ZNF354C: variants seen among roughly 807,000 people sequenced by gnomAD.
The protein encoded by ZNF354C is zinc finger protein 354C.
In ZNF354C, 7 loss-of-function variants were observed where a neutral mutation model predicts 12.4. The observed-to-expected ratio is 0.56, with a 90% CI of 0.32 to 1.06. The LOEUF (loss-of-function observed/expected upper bound fraction) is 1.06. Among genes scored for constraint, ZNF354C ranks in the 50% least tolerant of loss-of-function variants. The probability of loss-of-function intolerance (pLI) is 0.04; values close to 1 mark genes in which losing one functional copy is unlikely to be tolerated. For missense variants in ZNF354C, 609 were observed against 658.0 expected, an observed-to-expected ratio of 0.93 and a Z score of 0.81; for synonymous variants, 202 against 224.5, an observed-to-expected ratio of 0.90 and a Z score of 0.90.
intron 4 of ZNF354C, 145 bp from the exon 5 acceptor site, chr5:179,078,538 G>T: frequency 1.5e-6 from 1 of 657,590 alleles, no homozygotes; most frequent in Non-Finnish European, 2.6e-6. Context: ...ATCCCATCCT[G>T]TTCTTCCCAA....
At chr5:179,073,347 G>T (rs1218524781) in intron 2 of ZNF354C, among the ~76,000 whole-genome samples, 1 of 152,200 alleles carries the variant, frequency 6.6e-6, no homozygotes, top group Non-Finnish European at 1.5e-5. Context: ...ATTTTAGGAA[G>T]AATGAAGAGC....
intron 2 of ZNF354C, among the ~76,000 whole-genome samples, chr5:179,072,671 A>C (rs1762065947): frequency 6.6e-6 from 1 of 152,226 alleles, no homozygotes; most frequent in Non-Finnish European, 1.5e-5. Flanking sequence ...CCAAGAATGC[A>C]AGCCACATAC....
At position 179,083,220 on chromosome 5, in the gene ZNF354C, G is replaced by GA; in HGVS notation, c.*3124dup. 1 of 287,412 alleles carries GA rather than the reference G, an allele frequency of 3.5e-6. No individual in the cohort carries two copies. The highest frequency in any genetic ancestry group is 7.3e-5 in the East Asian group (1 of 13,672). 17.8% of individuals were successfully genotyped at this position (287,412 alleles called of 1,614,324 possible). ...TTCTGATTCATAAAAAAACCTATAA[G>GA]AGACATTTGGGGGGATATTTGGGGA... On this transcript the variant is annotated 3_prime_UTR_variant, in exon 5 of 5. Coordinates refer to ENST00000315475, the MANE Select transcript of ZNF354C (RefSeq NM_014594.3).
At chr5:179,067,875 T>G (rs578069432) in intron 2 of ZNF354C, among the ~76,000 whole-genome samples, 2 of 151,518 alleles carry the variant, frequency 1.3e-5, no homozygotes, top group Non-Finnish European at 2.9e-5. Context: ...GAATGAGGTT[T>G]GAGGCTGGAC....
At chr5:179,072,735 A>G in intron 2 of ZNF354C, among the ~76,000 whole-genome samples, 1 of 152,178 alleles carries the variant, frequency 6.6e-6, no homozygotes, top group Non-Finnish European at 1.5e-5. Flanking sequence ...AAGCAAATAA[A>G]TTAACTTTAA....
rs1762259421 is a variant in ZNF354C at position 179,083,824 on chromosome 5, TCCTG to T, written c.*3728_*3731del. Among the ~76,000 whole-genome samples the T allele has an allele frequency of 6.6e-6, 1 of 152,208 alleles. No homozygotes were observed. The highest frequency in any genetic ancestry group is 1.5e-5 in the Non-Finnish European group (1 of 68,036). On this transcript the variant is annotated 3_prime_UTR_variant, in exon 5 of 5. Coordinates refer to ENST00000315475, the MANE Select transcript of ZNF354C (RefSeq NM_014594.3). ...AGATCATTGTGGCGCTCCTGGGCAT[TCCTG>T]TGGTGAGGACAGAGATGGCTGAGCA...
rs1297139619 is a variant in ZNF354C at position 179,080,134 on chromosome 5, A to G, written c.*37A>G. On this transcript the variant is annotated 3_prime_UTR_variant, in exon 5 of 5. Transcript: ENST00000315475. ...AATAATCCAAGACTTCTCACTGGGG[A>G]ATAAGGGAATAATAAATAGGGTACA... 1 of 1,414,880 alleles carries G rather than the reference A, an allele frequency of 7.1e-7. No individual in the cohort carries two copies. The highest frequency in any genetic ancestry group is 1.4e-5 in the South Asian group (1 of 70,160). 87.6% of individuals were successfully genotyped at this position (1,414,880 alleles called of 1,614,324 possible).
chr5:179,077,637 T>A (rs1762141862), intron 4 of ZNF354C, among the ~76,000 whole-genome samples: 1 of 152,164 alleles, frequency 6.6e-6, no homozygotes, highest in South Asian at 2.1e-4. Context: ...AAAGGTAATA[T>A]GAAAAAAATT....
chr5:179,069,777 A>C (rs920766451), intron 2 of ZNF354C, among the ~76,000 whole-genome samples: 4 of 150,958 alleles, frequency 2.6e-5, no homozygotes, highest in African/African-American at 9.8e-5. Flanking sequence ...GAGGCAGGAG[A>C]ATGGTGTGAA....
intron 2 of ZNF354C, among the ~76,000 whole-genome samples, chr5:179,064,715 A>G (rs1192320870): frequency 2.0e-5 from 3 of 151,796 alleles, no homozygotes; most frequent in African/African-American, 7.3e-5. Flanking sequence ...CGCCCGGCCT[A>G]TGTAACCCTT....
intron 2 of ZNF354C, among the ~76,000 whole-genome samples, chr5:179,062,920 T>C: frequency 6.6e-6 from 1 of 152,214 alleles, no homozygotes; most frequent in East Asian, 1.9e-4. Flanking sequence ...CCCTCAGCGT[T>C]CTGAGTATCT....
chr5:179,069,356 T>C (rs1762010243), intron 2 of ZNF354C, among the ~76,000 whole-genome samples: 1 of 152,100 alleles, frequency 6.6e-6, no homozygotes, highest in Non-Finnish European at 1.5e-5. Context: ...TCCTTTCTAC[T>C]GATGATAATT....
Position 179,060,481 on chromosome 5 carries a change from G to A in ZNF354C, c.-240G>A. 1 of 152,414 alleles carries A rather than the reference G, an allele frequency of 6.6e-6. No homozygotes were observed. Among genetic ancestry groups the A allele is most frequent in the Non-Finnish European group, 1.5e-5 (1 of 68,138 alleles). 9.4% of individuals were successfully genotyped at this position (152,414 alleles called of 1,614,324 possible). ...AGGATTGCCGGCCTGGGGTTGAGGC[G>A]CTCGCAGTGGTCTCTTCCGGGCCGG... On this transcript the variant is annotated 5_prime_UTR_variant, in exon 1 of 5. Transcript: ENST00000315475. This position sits in a 1 kb window ranked among gnomAD's most constrained non-coding sequence, Gnocchi z 4.2.
Position 179,080,053 on chromosome 5 carries a change from C to G in ZNF354C, c.1621C>G (p.Gln541Glu). 1 of 1,603,016 alleles carries G rather than the reference C, an allele frequency of 6.2e-7. No homozygotes were observed. The highest frequency in any genetic ancestry group is 8.5e-7 in the Non-Finnish European group (1 of 1,176,336). ...TTTCATCTGCAGCTCCTCACTTACC[C>G]AGTATCAGAGATTTTTTAAAGGAGA... ...KPFICSSSLT[Q>E]YQRFFKGDKA... Residue 541 changes from glutamine (Q) to glutamate (E), a missense_variant, in exon 5 of 5, where the codon CAG becomes GAG. Physicochemically the swap from Gln to Glu is conservative, Grantham distance 29. Coordinates refer to ENST00000315475, the MANE Select transcript of ZNF354C (RefSeq NM_014594.3).
intron 3 of ZNF354C, among the ~76,000 whole-genome samples, chr5:179,076,796 T>C (rs1250772361): frequency 6.6e-6 from 1 of 152,012 alleles, no homozygotes; most frequent in Non-Finnish European, 1.5e-5. Flanking sequence ...CTCCTTGGAG[T>C]AGGCCAATGA....
At chr5:179,062,312 C>G (rs1761904683) in intron 2 of ZNF354C, among the ~76,000 whole-genome samples, 1 of 152,176 alleles carries the variant, frequency 6.6e-6, no homozygotes, top group South Asian at 2.1e-4. Context: ...ACCCCGCTCA[C>G]TCTGTGATCC....
rs1762249191 is a variant in ZNF354C at position 179,082,947 on chromosome 5, C to T, written c.*2850C>T. On this transcript the variant is annotated 3_prime_UTR_variant, in exon 5 of 5. Coordinates refer to ENST00000315475, the MANE Select transcript of ZNF354C (RefSeq NM_014594.3). Reference sequence around the variant, plus strand: ...CTCATCTCCTGCCTGGAGCTCAAGGCCATCCTCAACTTCTTTCATATGGAA... The same window carrying T: ...CTCATCTCCTGCCTGGAGCTCAAGGTCATCCTCAACTTCTTTCATATGGAA... 8.2e-6 allele frequency: 7 copies of T among 856,340 alleles called. No individual in the cohort carries two copies. In the South Asian group the frequency reaches 9.9e-5, roughly 12 times the overall value. 53.0% of individuals were successfully genotyped at this position (856,340 alleles called of 1,614,324 possible). A position where few individuals can be genotyped will look rare whatever the true frequency, so the allele number is the denominator to read the frequency against.
chr5:179,065,629 T>G (rs1761949337), intron 2 of ZNF354C, among the ~76,000 whole-genome samples: 2 of 152,146 alleles, frequency 1.3e-5, no homozygotes, highest in African/African-American at 4.8e-5. Flanking sequence ...TTGGCTGGGC[T>G]GGTCTCGAAC....
intron 2 of ZNF354C, among the ~76,000 whole-genome samples, chr5:179,063,014 C>A (rs1761914983): frequency 6.6e-6 from 1 of 152,310 alleles, no homozygotes; most frequent in South Asian, 2.1e-4. Context: ...TTTCCTTCAA[C>A]ACCAGCTCCC....
Sources: allele counts gnomAD v4.1 joint callset (sites outside exome capture counted in the v4.1 genomes callset), GRCh38; gene constraint gnomAD v4.1.1; non-coding constraint Gnocchi (gnomAD v3.1); transcripts MANE v1.5; gene names NCBI Gene and HGNC (gene_info 2026-07-23, HGNC 2026-07-21).